The following DLG2 variants were observed in gnomAD, a reference collection of about 807,000 sequenced individuals.
The protein encoded by DLG2 is disks large homolog 2.
Under a neutral mutation model 132.5 loss-of-function variants are expected in DLG2, and 45 were observed. That is an observed-to-expected ratio of 0.34 (90% CI 0.27 to 0.44). The LOEUF (loss-of-function observed/expected upper bound fraction) is 0.44, where lower values mean the gene tolerates loss of function less well. DLG2 is among the 20% of genes least tolerant of loss of function. DLG2 has a pLI of 1.00. For missense variants in DLG2, 1,045 were observed against 1,196.9 expected (o/e 0.87, Z 1.87); for synonymous variants, 424 against 419.6 (o/e 1.01, Z -0.13).
chr11:83,656,027 C>T (rs1467658454), intron 18 of DLG2, among the ~76,000 whole-genome samples: 1 of 152,090 alleles, frequency 6.6e-6, no homozygotes, highest in African/African-American at 2.4e-5. Context: ...ACAAAGGCAC[C>T]CTGGTCAGCA....
chr11:85,472,723 C>T (rs764313600), intron 3 of DLG2, among the ~76,000 whole-genome samples: 4 of 152,202 alleles, frequency 2.6e-5, no homozygotes, highest in Admixed American at 6.5e-5. Flanking sequence ...CCAAAGGAGC[C>T]GCTGTAACAG....
intron 8 of DLG2, among the ~76,000 whole-genome samples, chr11:84,184,085 A>G (rs1166104631): frequency 4.6e-5 from 7 of 152,192 alleles, no homozygotes; most frequent in Non-Finnish European, 8.8e-5. Flanking sequence ...CTTTGGGTAT[A>G]TACCCAGTAA....
At chr11:85,509,929 G>A (rs562904558) in intron 3 of DLG2, 1 of 151,766 alleles carries the variant, frequency 6.6e-6, no homozygotes, top group Non-Finnish European at 1.5e-5. Flanking sequence ...AAAGACAAAG[G>A]TTAGTTCGGC....
intron 26 of DLG2, among the ~76,000 whole-genome samples, chr11:83,464,869 T>C (rs2090721757): frequency 1.3e-5 from 2 of 152,232 alleles, no homozygotes; most frequent in Non-Finnish European, 2.9e-5. Flanking sequence ...AGATGGCTGT[T>C]CCCAGGAAGT....
rs59045992 is a variant in DLG2 at position 83,850,162 on chromosome 11, T to TGTGTGTGTGTGTGTGTGTGTGTGTGTG, written c.1566-16393_1566-16392insCACACACACACACACACACACACACAC. On this transcript the variant is annotated intron_variant, in intron 16 of 27. Transcript: ENST00000376104. ...TGTGTGTGTGTGTGTGTGTGTGTGT[T>TGTGTGTGTGTGTGTGTGTGTGTGTGTG]TTTTTACTTGAGACGGAGTCTCACT... Among the ~76,000 whole-genome samples, 8 of 115,558 alleles carry TGTGTGTGTGTGTGTGTGTGTGTGTGTG rather than the reference T, an allele frequency of 6.9e-5. 1 individual carries two copies. The highest frequency in any genetic ancestry group is 2.7e-4 in the Admixed American group (3 of 11,196). The allele number at this position is 115,558 out of a possible 152,430, so 75.8% of individuals were successfully genotyped here.
At chr11:85,213,273 G>A (rs1364651652) in intron 4 of DLG2, among the ~76,000 whole-genome samples, 2 of 152,074 alleles carry the variant, frequency 1.3e-5, no homozygotes, top group African/African-American at 2.4e-5. Flanking sequence ...GAGATACAGA[G>A]AACATGTGCC....
At chr11:84,156,463 A>G (rs2095431448) in intron 9 of DLG2, among the ~76,000 whole-genome samples, 1 of 152,204 alleles carries the variant, frequency 6.6e-6, no homozygotes, top group Admixed American at 6.5e-5. Flanking sequence ...TAAAATGACT[A>G]TCAGCTACCT....
At chr11:84,235,049 C>A (rs980560450) in intron 8 of DLG2, among the ~76,000 whole-genome samples, 8 of 152,196 alleles carry the variant, frequency 5.3e-5, no homozygotes, top group Admixed American at 4.6e-4. Flanking sequence ...TTGGTCTCCA[C>A]AACCTCTTAC....
chr11:85,080,503 C>A (rs953170932), intron 6 of DLG2, among the ~76,000 whole-genome samples: 2 of 152,056 alleles, frequency 1.3e-5, no homozygotes. Flanking sequence ...TTAGCATTCA[C>A]ATCTTTATAT....
In DLG2 at chr11:84,867,500, C is replaced by T. The variant is rs549384299; in HGVS notation, c.357+244161G>A. ...ATGCTTCTAAAGCTAGCTTTTCTGT[C>T]TCTAGTTAGCCTTTGTTTTTTAAGG... On this transcript the variant is annotated intron_variant, in intron 6 of 27. Transcript: ENST00000376104. Among the ~76,000 whole-genome samples, 6 of 152,258 alleles carry T rather than the reference C, an allele frequency of 3.9e-5. No homozygotes were observed. In the East Asian group the frequency reaches 1.2e-3, roughly 29 times the overall value.
intron 3 of DLG2, among the ~76,000 whole-genome samples, chr11:85,598,200 A>C (rs2079913979): frequency 6.6e-6 from 1 of 152,082 alleles, no homozygotes; most frequent in African/African-American, 2.4e-5. Flanking sequence ...AGCAAGAAAG[A>C]TGAAAAGATG....
At chr11:84,422,114 T>C (rs2098952940) in intron 7 of DLG2, among the ~76,000 whole-genome samples, 1 of 152,234 alleles carries the variant, frequency 6.6e-6, no homozygotes, top group African/African-American at 2.4e-5. Flanking sequence ...AGGAAGGTAC[T>C]TGGGCAAATT....
intron 11 of DLG2, among the ~76,000 whole-genome samples, chr11:84,051,202 G>A (rs1040830201): frequency 2.6e-5 from 4 of 151,860 alleles, no homozygotes; most frequent in Admixed American, 6.6e-5. Context: ...CAACCATTGT[G>A]GAAGTCAGTG....
At chr11:83,775,559 G>GTGC (rs1566920142) in intron 18 of DLG2, among the ~76,000 whole-genome samples, 2 of 152,190 alleles carry the variant, frequency 1.3e-5, no homozygotes, top group African/African-American at 4.8e-5. Context: ...CCTGTAGTGA[G>GTGC]TGCTTCATAC....
chr11:85,107,582 C>T (rs2071979680), intron 6 of DLG2, among the ~76,000 whole-genome samples: 1 of 151,986 alleles, frequency 6.6e-6, no homozygotes, highest in South Asian at 2.1e-4. Context: ...AGAGAGCTAT[C>T]ATTCTTCAGC....
intron 16 of DLG2, among the ~76,000 whole-genome samples, chr11:83,849,765 T>TAAA (rs67891823): frequency 0.23 from 33,854 of 147,986 alleles, 4,494 homozygotes; most frequent in Middle Eastern, 0.36. Context: ...TTTTTTTTTT[T>TAAA]AAAAAAAAAG....
chr11:83,743,547 C>A (rs1410798533), intron 18 of DLG2, among the ~76,000 whole-genome samples: 1 of 150,998 alleles, frequency 6.6e-6, no homozygotes, highest in African/African-American at 2.5e-5. Context: ...GATCCTCCCA[C>A]CTCAGTCCCC....
At chr11:84,435,157 CA>C in intron 7 of DLG2, among the ~76,000 whole-genome samples, 1 of 152,020 alleles carries the variant, frequency 6.6e-6, no homozygotes, top group East Asian at 1.9e-4. Flanking sequence ...CACTGTTTTG[CA>C]ACTATATGAT....
rs567454699 is a variant in DLG2 at position 85,353,066 on chromosome 11, G to C, written c.41-67701C>G. On this transcript the variant is annotated intron_variant, in intron 3 of 27. Transcript: ENST00000376104. ...TGAACAGGCAACCTATAGAATGGGA[G>C]AAAATTTTTGCAATCTACCCATCTG... 1.3e-4 allele frequency among the ~76,000 whole-genome samples: 20 copies of C among 152,108 alleles called. No homozygotes were observed. The South Asian group carries it at 2.3e-3, about 17-fold the overall frequency.
Sources: allele counts gnomAD v4.1 joint callset (sites outside exome capture counted in the v4.1 genomes callset), GRCh38; gene constraint gnomAD v4.1.1; transcripts MANE v1.5; gene names NCBI Gene and HGNC (gene_info 2026-07-23, HGNC 2026-07-21).